The following GFM1 variants were observed in gnomAD, a reference collection of about 807,000 sequenced individuals.
GFM1 encodes elongation factor G, mitochondrial.
In GFM1, 62 loss-of-function variants were observed where a neutral mutation model predicts 96.2. The ratio of observed to expected loss-of-function variants is 0.64; its 90% CI spans 0.53 to 0.80. The LOEUF (loss-of-function observed/expected upper bound fraction) is 0.80, where lower values mean the gene tolerates loss of function less well. Ranked by LOEUF, GFM1 falls within the 30% of genes least tolerant of loss-of-function variation. The probability of loss-of-function intolerance (pLI) is 0.00; values close to 1 mark genes in which losing one functional copy is unlikely to be tolerated. For synonymous variants in GFM1, 282 were observed against 312.9 expected, an observed-to-expected ratio of 0.90 and a Z score of 1.04; for missense variants, 852 against 916.6, an observed-to-expected ratio of 0.93 and a Z score of 0.91.
At chr3:158,660,396 A>AC (rs1723109137) in intron 9 of GFM1, 1 of 159,456 alleles carries the variant, frequency 6.3e-6, no homozygotes, top group South Asian at 1.7e-4. Context: ...ACAGGCACCC[A>AC]CCACCATCCC....
At chr3:158,666,700 G>T in intron 13 of GFM1, 1 of 1,613,870 alleles carries the variant, frequency 6.2e-7, no homozygotes. Flanking sequence ...CTTTAGTGCC[G>T]TATTGTGGAT....
intron 13 of GFM1, among the ~76,000 whole-genome samples, chr3:158,678,617 A>T (rs3867390): frequency 0.42 from 63,198 of 152,064 alleles, 14,287 homozygotes; most frequent in African/African-American, 0.6. Flanking sequence ...AGATGAGGAG[A>T]TCCTTCTTCT....
At chr3:158,678,927 G>A (rs1482717121) in intron 13 of GFM1, among the ~76,000 whole-genome samples, 1 of 152,206 alleles carries the variant, frequency 6.6e-6, no homozygotes, top group East Asian at 1.9e-4. Flanking sequence ...CCAGCTACTT[G>A]GGAGTCTGAG....
chr3:158,654,492 A>G (rs1722578659), intron 7 of GFM1, 55 bp from the exon 8 acceptor site: 8 of 1,064,732 alleles, frequency 7.5e-6, no homozygotes, highest in Non-Finnish European at 1.0e-5. Flanking sequence ...ATAAATTGAT[A>G]TAAAAGAAAT....
At chr3:158,689,714 C>T (rs868662669) in intron 15 of GFM1, among the ~76,000 whole-genome samples, 3 of 148,168 alleles carry the variant, frequency 2.0e-5, no homozygotes, top group Non-Finnish European at 4.4e-5. Context: ...TGCATTGAGC[C>T]GAGATTGCCC....
Position 158,682,117 on chromosome 3 carries a change from G to A in GFM1, c.1724G>A (p.Gly575Glu), listed in dbSNP as rs1725438810. The A allele has an allele frequency of 1.9e-6, 3 of 1,613,794 alleles. No homozygotes were observed. Among genetic ancestry groups the A allele is most frequent in the East Asian group, 2.2e-5 (1 of 44,832 alleles). The change falls in exon 14 of 18, where the codon GGA becomes GAA. Residue 575 changes from glycine to glutamate, a missense_variant. By Grantham distance (98) the Gly-to-Glu change is moderately conservative. Transcript: ENST00000486715. ...TTGGAATTTTCAGATGAAACATTCG[G>A]ATCAAATATTCCAAAGCAGTTTGTG... Reference protein sequence around the residue: ...TKLEFSDETFGSNIPKQFVPA... With the variant: ...TKLEFSDETFESNIPKQFVPA...
chr3:158,669,836 A>T (rs1724104577), intron 13 of GFM1, among the ~76,000 whole-genome samples: 1 of 152,206 alleles, frequency 6.6e-6, no homozygotes, highest in African/African-American at 2.4e-5. Flanking sequence ...ATATGGTGTC[A>T]TAATCTTATG....
In GFM1 at chr3:158,694,852, GTAT is replaced by G. The variant is rs10575379; in HGVS notation, c.*3390_*3392del. Among the ~76,000 whole-genome samples, 2,448 of 152,172 alleles carry G rather than the reference GTAT, an allele frequency of 0.016. 52 individuals carry two copies. Among genetic ancestry groups the G allele is most frequent in the African/African-American group, 0.057 (2,362 of 41,502 alleles). On this transcript the variant is annotated 3_prime_UTR_variant, in exon 18 of 18. Coordinates refer to ENST00000486715, the MANE Select transcript of GFM1 (RefSeq NM_024996.7). Reference sequence around the variant, plus strand: ...AAATGGAATGTAGACAAAATCCCTGGTATTATTTTATATGTCTTAAGAAAGTTC... The same window carrying G: ...AAATGGAATGTAGACAAAATCCCTGGTATTTTATATGTCTTAAGAAAGTTC...
rs768342699 is a variant in GFM1 at position 158,684,555 on chromosome 3, T to A, written c.1796T>A (p.Leu599His). ...TTAGATGCCTGCGAGAAGGGCCCTC[T>A]TTCTGGTCACAAGCTCTCTGGGCTC... ...GFLDACEKGPLSGHKLSGLRF... is the reference protein window; with the variant it reads ...GFLDACEKGPHSGHKLSGLRF... Residue 599 changes from leucine (L) to histidine (H), a missense_variant, in exon 15 of 18, where the codon CTT becomes CAT. Transcript: ENST00000486715. The A allele has an allele frequency of 6.2e-7, 1 of 1,614,160 alleles. No individual in the cohort carries two copies. Among genetic ancestry groups the A allele is most frequent in the East Asian group, 2.2e-5 (1 of 44,890 alleles).
chr3:158,657,180 ATATT>A (rs1353390776), intron 8 of GFM1: 1 of 152,184 alleles, frequency 6.6e-6, no homozygotes, highest in African/African-American at 2.4e-5. Flanking sequence ...ATTTTACAGT[ATATT>A]TATTACCTCC....
rs755447585 is a variant in GFM1 at position 158,646,191 on chromosome 3, T to C, written c.261T>C (p.Ala87=). The change falls in exon 3 of 18, where the codon GCT becomes GCC. Residue 87 remains alanine (A), a synonymous_variant. Coordinates refer to ENST00000486715, the MANE Select transcript of GFM1 (RefSeq NM_024996.7). ...TGAAAGGTAAAGATGGAGTTGGTGC[T>C]GTCATGGATTCCATGGAACTAGAGA... ...HEVKGKDGVG[A]VMDSMELERQ... is the part of the protein sequence containing the mutation. The C allele has an allele frequency of 6.2e-7, 1 of 1,614,158 alleles. No individual in the cohort carries two copies. Among genetic ancestry groups the C allele is most frequent in the Non-Finnish European group, 8.5e-7 (1 of 1,179,978 alleles).
At chr3:158,666,916 T>G in intron 13 of GFM1, 7 of 1,520,078 alleles carry the variant, frequency 4.6e-6, no homozygotes, top group Non-Finnish European at 5.3e-6. Context: ...TTTACATGAA[T>G]TCTGATTTAG....
chr3:158,690,237 G>C lies in GFM1; in HGVS notation c.1984G>C (p.Gly662Arg). 1 of 1,613,732 alleles carries C rather than the reference G, an allele frequency of 6.2e-7. No individual in the cohort carries two copies. The highest frequency in any genetic ancestry group is 8.5e-7 in the Non-Finnish European group (1 of 1,179,772). ...VEVVAPNEFQGQVIAGINRRH... is the reference protein window; with the variant it reads ...VEVVAPNEFQRQVIAGINRRH... ...AGTTGTAGCTCCAAATGAATTTCAG[G>C]GACAAGTAATTGCAGGAATTAACCG... Residue 662 changes from glycine to arginine, a missense_variant, in exon 16 of 18, where the codon GGA becomes CGA. Coordinates refer to ENST00000486715, the MANE Select transcript of GFM1 (RefSeq NM_024996.7).
At chr3:158,684,764 C>T (rs1725694591) in intron 15 of GFM1, 96 bp downstream of exon 15, 1 of 1,241,570 alleles carries the variant, frequency 8.1e-7, no homozygotes, top group Non-Finnish European at 1.2e-6. Context: ...TCACCCAGAG[C>T]ACTAGGCTCC....
chr3:158,691,582 G>A lies in GFM1; in HGVS notation c.*115G>A, dbSNP rs991712059. ...AAACAAGAAATTCTGAGCCCAGGAA[G>A]CGGGCTCTTCTTTCTTCAAAAGAAG... On this transcript the variant is annotated 3_prime_UTR_variant, in exon 18 of 18. Coordinates refer to ENST00000486715, the MANE Select transcript of GFM1 (RefSeq NM_024996.7). 36 of 1,178,272 alleles carry A rather than the reference G, an allele frequency of 3.1e-5. No individual in the cohort carries two copies. The South Asian group carries it at 4.5e-4, about 15-fold the overall frequency. 73.0% of individuals were successfully genotyped at this position (1,178,272 alleles called of 1,614,324 possible). A position where few individuals can be genotyped will look rare whatever the true frequency, so the allele number is the denominator to read the frequency against.
intron 13 of GFM1, among the ~76,000 whole-genome samples, chr3:158,677,621 C>T (rs910612714): frequency 6.6e-6 from 1 of 152,232 alleles, no homozygotes; most frequent in Non-Finnish European, 1.5e-5. Context: ...TTTCCTGCCT[C>T]AGCCTCCCAG....
intron 14 of GFM1, among the ~76,000 whole-genome samples, chr3:158,683,871 T>C (rs1053312528): frequency 6.6e-6 from 1 of 152,216 alleles, no homozygotes; most frequent in African/African-American, 2.4e-5. Flanking sequence ...TTCCAAGGAA[T>C]TGTTCATCTA....
rs1725669608 is a variant in GFM1, at chr3:158,684,527, T to G, written c.1768T>G (p.Phe590Val). Residue 590 changes from phenylalanine to valine, a missense_variant, in exon 15 of 18, where the codon TTT becomes GTT. Phe to Val is a conservative substitution (Grantham distance 50). Transcript: ENST00000486715. Reference sequence around the variant, plus strand: ...AGTTGTGTTCATTCATTAACAGGGGTTTTTAGATGCCTGCGAGAAGGGCCC... The same window carrying G: ...AGTTGTGTTCATTCATTAACAGGGGGTTTTAGATGCCTGCGAGAAGGGCCC... The part of the protein sequence containing the change: ...KQFVPAVEKG[F>V]LDACEKGPLS... The G allele has an allele frequency of 1.9e-6, 3 of 1,613,058 alleles. No individual in the cohort carries two copies. The East Asian group carries it at 6.7e-5, about 36-fold the overall frequency.
At chr3:158,679,710 G>A (rs1371374526) in intron 13 of GFM1, among the ~76,000 whole-genome samples, 1 of 151,984 alleles carries the variant, frequency 6.6e-6, no homozygotes, top group African/African-American at 2.4e-5. Flanking sequence ...GAGTTTTTTT[G>A]AATAGGTCCT....
Sources: allele counts gnomAD v4.1 joint callset (sites outside exome capture counted in the v4.1 genomes callset), GRCh38; gene constraint gnomAD v4.1.1; transcripts MANE v1.5; gene names NCBI Gene and HGNC (gene_info 2026-07-23, HGNC 2026-07-21).